The following FBXO22 variants were observed in gnomAD, a reference collection of about 807,000 sequenced individuals.
FBXO22 encodes F-box protein 22, also known as F-box only protein 22.
A neutral mutation model predicts 37.2 loss-of-function variants in FBXO22; 13 were observed. The observed-to-expected ratio is 0.35, with a 90% CI of 0.23 to 0.56. The LOEUF (loss-of-function observed/expected upper bound fraction) is 0.56, where lower values mean the gene tolerates loss of function less well. FBXO22 is among the 20% of genes least tolerant of loss of function. The pLI, the probability that FBXO22 is intolerant of heterozygous loss-of-function variation, is 0.87. For synonymous variants in FBXO22, 189 were observed against 189.1 expected (o/e 1.00, Z 0.00); for missense variants, 446 against 509.9 (o/e 0.87, Z 1.21).
intron 4 of FBXO22, among the ~76,000 whole-genome samples, chr15:75,916,297 C>T (rs1020575042): frequency 3.3e-5 from 5 of 152,036 alleles, no homozygotes; most frequent in Admixed American, 3.3e-4. Context: ...AACAAAATAC[C>T]ACAGACTGGG....
rs1311847984 is a variant in FBXO22, at chr15:75,941,136, A to T, written c.*8034A>T. On this transcript the variant is annotated 3_prime_UTR_variant, in exon 7 of 7. Transcript: ENST00000308275. ...AAAAAATGGCAAAGGATTTGGATAG[A>T]TCTCCAGAGAGGACATGCAGATAGC... is the stretch of plus-strand genomic sequence containing the variant. 6.6e-6 allele frequency: 1 copy of T among 152,316 alleles called. No homozygotes were observed. Among genetic ancestry groups the T allele is most frequent in the East Asian group, 1.9e-4 (1 of 5,190 alleles). 9.4% of individuals were successfully genotyped at this position (152,316 alleles called of 1,614,324 possible). A position where few individuals can be genotyped will look rare whatever the true frequency, so the allele number is the denominator to read the frequency against.
chr15:75,917,009 G>A (rs1179811565), intron 4 of FBXO22, among the ~76,000 whole-genome samples: 1 of 152,056 alleles, frequency 6.6e-6, no homozygotes, highest in African/African-American at 2.4e-5. Flanking sequence ...AAAAAATTTT[G>A]CAACATTTAT....
intron 2 of FBXO22, 31 bp from the exon 3 acceptor site, chr15:75,913,172 T>C: frequency 6.7e-7 from 1 of 1,488,354 alleles, no homozygotes; most frequent in Non-Finnish European, 9.3e-7. Context: ...ATTCATGGGA[T>C]CCAATTCCAA....
intron 2 of FBXO22, among the ~76,000 whole-genome samples, chr15:75,906,234 GGAATTGGC>G (rs1899926958): frequency 6.6e-6 from 1 of 151,998 alleles, no homozygotes; most frequent in South Asian, 2.1e-4. Flanking sequence ...CCTTGGTCCT[GGAATTGGC>G]CATTAAGCCC....
chr15:75,924,986 C>T (rs1234381790), intron 5 of FBXO22, among the ~76,000 whole-genome samples: 1 of 152,148 alleles, frequency 6.6e-6, no homozygotes, highest in East Asian at 1.9e-4. Context: ...TGCGGAGAGT[C>T]CCATTAGAAA....
chr15:75,912,831 T>C (rs1900091501), intron 2 of FBXO22, among the ~76,000 whole-genome samples: 2 of 152,194 alleles, frequency 1.3e-5, no homozygotes, highest in African/African-American at 2.4e-5. Context: ...TGCTCTTGCT[T>C]CTCTAGTTCT....
chr15:75,917,172 C>A, intron 4 of FBXO22, 58 bp from the exon 5 acceptor site: 1 of 1,267,836 alleles, frequency 7.9e-7, no homozygotes, highest in Non-Finnish European at 1.1e-6. Flanking sequence ...GTGACCTAAA[C>A]TGTAGTTATC....
intron 5 of FBXO22, among the ~76,000 whole-genome samples, chr15:75,917,937 G>A (rs1190947823): frequency 6.6e-6 from 1 of 152,164 alleles, no homozygotes; most frequent in Non-Finnish European, 1.5e-5. Context: ...AGTGTGGATG[G>A]AGCCCTGAAG....
chr15:75,919,361 A>G (rs1900269520), intron 5 of FBXO22, among the ~76,000 whole-genome samples: 1 of 152,204 alleles, frequency 6.6e-6, no homozygotes, highest in South Asian at 2.1e-4. Context: ...GCATATGTGA[A>G]TTAGACTTAG....
At chr15:75,909,170 G>GT (rs1183618159) in intron 2 of FBXO22, among the ~76,000 whole-genome samples, 1 of 152,176 alleles carries the variant, frequency 6.6e-6, no homozygotes, top group Non-Finnish European at 1.5e-5. Context: ...TTGAAAACAG[G>GT]TGAGTCTGAA....
chr15:75,937,608 C>G lies in FBXO22; in HGVS notation c.*4506C>G, dbSNP rs2030503019. 6.6e-6 allele frequency: 1 copy of G among 150,774 alleles called. No individual in the cohort carries two copies. Among genetic ancestry groups the G allele is most frequent in the Non-Finnish European group, 1.5e-5 (1 of 67,774 alleles). 9.3% of individuals were successfully genotyped at this position (150,774 alleles called of 1,614,324 possible). A position where few individuals can be genotyped will look rare whatever the true frequency, so the allele number is the denominator to read the frequency against. On this transcript the variant is annotated 3_prime_UTR_variant, in exon 7 of 7. Transcript: ENST00000308275. ...TACAGCAACCAAAAGAATGCCCAAT[C>G]ATCTGCAGAATGGTAGGAAAATATT...
chr15:75,915,358 G>C (rs1900158589), intron 4 of FBXO22, among the ~76,000 whole-genome samples: 1 of 152,172 alleles, frequency 6.6e-6, no homozygotes, highest in Non-Finnish European at 1.5e-5. Context: ...ATCTGAATTT[G>C]AGTCTTATAC....
Position 75,904,547 on chromosome 15 carries a change from TAACCTGGATCTCCGCAGGCCTGGCG to T in FBXO22, c.198_222del (p.Thr67ArgfsTer14). 6.2e-7 allele frequency: 1 copy of T among 1,613,750 alleles called. No homozygotes were observed. Among genetic ancestry groups the T allele is most frequent in the East Asian group, 2.2e-5 (1 of 44,822 alleles). On this transcript the variant is annotated frameshift_variant, in exon 2 of 7. Transcript: ENST00000308275. LOFTEE classifies it high-confidence loss of function. The stretch of plus-strand genomic sequence containing the variant: ...AGAGTATTGCGGACCCATCGGAGCG[TAACCTGGATCTCCGCAGGCCTGGCG>T]GAGGCCGGCCACCTGGAGGGGCATT...
chr15:75,917,543 G>A, intron 5 of FBXO22, 149 bp downstream of exon 5: 1 of 580,604 alleles, frequency 1.7e-6, no homozygotes, highest in Non-Finnish European at 3.0e-6. Flanking sequence ...ATTCAAACAG[G>A]TGATTCACAG....
At chr15:75,912,936 C>A (rs147082526) in intron 2 of FBXO22, among the ~76,000 whole-genome samples, 126 of 152,284 alleles carry the variant, frequency 8.3e-4, no homozygotes, top group African/African-American at 3.0e-3. Context: ...ACTGCTTTAG[C>A]TGTGTCCCAG....
At chr15:75,912,714 A>G (rs1018220757) in intron 2 of FBXO22, among the ~76,000 whole-genome samples, 2 of 152,166 alleles carry the variant, frequency 1.3e-5, no homozygotes, top group Admixed American at 6.5e-5. Flanking sequence ...TCAAAAAACC[A>G]GCTCCTGGAT....
rs1179137373 is a variant in FBXO22, at chr15:75,933,993, G to C, written c.*891G>C. On this transcript the variant is annotated 3_prime_UTR_variant, in exon 7 of 7. Coordinates refer to ENST00000308275, the MANE Select transcript of FBXO22 (RefSeq NM_147188.3). ...TTTCTGTACAAATATCTAAATAAGAGATGTGCAGAGAGCACCAATTTTCCT... is the reference window on the plus strand; with the variant it reads ...TTTCTGTACAAATATCTAAATAAGACATGTGCAGAGAGCACCAATTTTCCT... 6.5e-6 allele frequency: 1 copy of C among 154,170 alleles called. No individual in the cohort carries two copies. The highest frequency in any genetic ancestry group is 1.9e-4 in the East Asian group (1 of 5,212). The allele number at this position is 154,170 out of a possible 1,614,324, so 9.6% of individuals were successfully genotyped here.
At chr15:75,906,614 A>G (rs902030708) in intron 2 of FBXO22, among the ~76,000 whole-genome samples, 2 of 151,984 alleles carry the variant, frequency 1.3e-5, no homozygotes, top group African/African-American at 4.8e-5. Context: ...CCCATATGTA[A>G]CCAATCTTCT....
In FBXO22 at chr15:75,940,081, T is replaced by C. The variant is rs10444856; in HGVS notation, c.*6979T>C. 0.46 allele frequency: 68,541 copies of C among 149,758 alleles called. 16,546 individuals carry two copies. Among genetic ancestry groups the C allele is most frequent in the South Asian group, 0.7 (3,329 of 4,742 alleles). 9.3% of individuals were successfully genotyped at this position (149,758 alleles called of 1,614,324 possible). Reference sequence around the variant, plus strand: ...AAATCCTATATGTTCACAAATGATATGATCTTTAGACAACCCGAAAGATTC... The same window carrying C: ...AAATCCTATATGTTCACAAATGATACGATCTTTAGACAACCCGAAAGATTC... On this transcript the variant is annotated 3_prime_UTR_variant, in exon 7 of 7. Coordinates refer to ENST00000308275, the MANE Select transcript of FBXO22 (RefSeq NM_147188.3).
Sources: gnomAD v4.1 joint callset for allele counts (sites outside exome capture counted in the v4.1 genomes callset) on GRCh38, gnomAD v4.1.1 for gene constraint, MANE v1.5 for transcripts, NCBI Gene and HGNC (gene_info 2026-07-23, HGNC 2026-07-21) for gene names.